CRACD: variants seen among roughly 807,000 people sequenced by gnomAD.
The protein encoded by CRACD is capping protein-inhibiting regulator of actin dynamics.
Under a neutral mutation model 106.8 loss-of-function variants are expected in CRACD, and 56 were observed. The ratio of observed to expected loss-of-function variants is 0.52; its 90% confidence interval spans 0.42 to 0.66. The LOEUF (loss-of-function observed/expected upper bound fraction) is 0.66. CRACD is among the 30% of genes least tolerant of loss of function. The pLI is 0.00. For synonymous variants in CRACD, 754 were observed against 670.8 expected, an observed-to-expected ratio of 1.12 and a Z score of -1.92; for missense variants, 1,730 against 1,623.2, an observed-to-expected ratio of 1.07 and a Z score of -1.13.
intron 3 of CRACD, among the ~76,000 whole-genome samples, chr4:56,275,381 G>A (rs919036966): frequency 6.6e-6 from 1 of 152,102 alleles, no homozygotes; most frequent in South Asian, 2.1e-4. Flanking sequence ...TTTGAGCCAG[G>A]AGTTCAAGGC....
chr4:56,137,275 GAA>G (rs33967264), intron 1 of CRACD, among the ~76,000 whole-genome samples: 2 of 141,448 alleles, frequency 1.4e-5, no homozygotes, highest in African/African-American at 2.6e-5. Context: ...CTGCTTCAAA[GAA>G]AAAAAAAAAG....
At chr4:56,207,654 A>G (rs920398483) in intron 2 of CRACD, among the ~76,000 whole-genome samples, 1 of 151,218 alleles carries the variant, frequency 6.6e-6, no homozygotes, top group Admixed American at 6.6e-5. Context: ...AGGTCTATTC[A>G]TAGAGGCTAA....
At chr4:56,289,553 T>C (rs2109696480) in intron 3 of CRACD, among the ~76,000 whole-genome samples, 1 of 152,096 alleles carries the variant, frequency 6.6e-6, no homozygotes, top group African/African-American at 2.4e-5. Flanking sequence ...CACGCCTGTA[T>C]TTCCAGCTAC....
intron 10 of CRACD, 35 bp from the exon 11 acceptor site, chr4:56,327,609 C>G: frequency 6.3e-7 from 1 of 1,590,820 alleles, no homozygotes. Flanking sequence ...TGGCTGTGAA[C>G]TTACTTTTTC....
intron 3 of CRACD, among the ~76,000 whole-genome samples, chr4:56,279,042 T>G (rs1742846156): frequency 6.6e-6 from 1 of 152,046 alleles, no homozygotes; most frequent in East Asian, 1.9e-4. Flanking sequence ...ACATTGCTGG[T>G]GGGAATATAA....
At chr4:56,257,984 C>T (rs939286821) in intron 2 of CRACD, among the ~76,000 whole-genome samples, 26 of 151,226 alleles carry the variant, frequency 1.7e-4, no homozygotes, top group African/African-American at 5.4e-4. Context: ...GCATGAGAAT[C>T]GCTTGAACCC....
rs966153267 is a variant in CRACD, at chr4:56,172,900, C to A, written c.-335-6384C>A. Reference sequence around the variant, plus strand: ...GCCTCCCAAAGTGCTGGATTACGGGCATGAGCCACTGTGCCTGGCCTAATT... The same window carrying A: ...GCCTCCCAAAGTGCTGGATTACGGGAATGAGCCACTGTGCCTGGCCTAATT... On this transcript the variant is annotated intron_variant, in intron 1 of 10. Transcript: ENST00000682029. 9.2e-5 allele frequency among the ~76,000 whole-genome samples: 14 copies of A among 152,278 alleles called. 1 individual carries two copies. The South Asian group carries it at 2.5e-3, about 27-fold the overall frequency.
intron 1 of CRACD, among the ~76,000 whole-genome samples, chr4:56,108,252 A>G (rs575043143): frequency 6.6e-6 from 1 of 152,336 alleles, no homozygotes; most frequent in South Asian, 2.1e-4. Context: ...GATTAAGATT[A>G]GCACCACCAC....
intron 1 of CRACD, among the ~76,000 whole-genome samples, chr4:56,165,810 A>T (rs1321151909): frequency 1.3e-5 from 2 of 152,220 alleles, no homozygotes; most frequent in African/African-American, 4.8e-5. Flanking sequence ...TTAAATTAGC[A>T]AGCAAAGAGT....
intron 1 of CRACD, among the ~76,000 whole-genome samples, chr4:56,060,564 G>A (rs1033584147): frequency 3.3e-5 from 5 of 152,056 alleles, no homozygotes; most frequent in Non-Finnish European, 5.9e-5. Context: ...GTGTGAGGTG[G>A]CAGGAACGTC....
At chr4:56,144,898 C>T (rs1190393235) in intron 1 of CRACD, among the ~76,000 whole-genome samples, 2 of 152,164 alleles carry the variant, frequency 1.3e-5, no homozygotes, top group Non-Finnish European at 2.9e-5. Context: ...AAGTGATCCA[C>T]CTGCCTCAGC....
intron 1 of CRACD, among the ~76,000 whole-genome samples, chr4:56,148,670 C>T (rs1735478803): frequency 6.6e-6 from 1 of 152,130 alleles, no homozygotes. Flanking sequence ...CTATCCCTTG[C>T]ATCATTTATG....
chr4:56,316,210 G>A lies in CRACD; in HGVS notation c.2708G>A (p.Gly903Asp), dbSNP rs1745633003. ...KEMEGVALKH[G>D]PSLPQERKQA... ...ATGGAGGGTGTGGCCCTCAAGCATG[G>A]TCCATCCCTCCCCCAAGAGCGGAAG... Residue 903 changes from glycine (G) to aspartate (D), a missense_variant, in exon 8 of 11, where the codon GGT (glycine) becomes GAT (aspartate). Physicochemically the swap from Gly to Asp is moderately conservative, Grantham distance 94. This residue lies in a region of CRACD where 1,620 missense variants were observed against 1,481.6 expected (regional missense o/e 1.09). Transcript: ENST00000682029. 1.9e-6 allele frequency: 3 copies of A among 1,614,128 alleles called. No homozygotes were observed. The highest frequency in any genetic ancestry group is 4.5e-5 in the East Asian group (2 of 44,872).
intron 2 of CRACD, among the ~76,000 whole-genome samples, chr4:56,218,200 A>G (rs1427754939): frequency 6.6e-6 from 1 of 152,190 alleles, no homozygotes; most frequent in African/African-American, 2.4e-5. Context: ...AGGGGTGAGG[A>G]CTTCAAGATA....
chr4:56,054,594 A>T (rs1297919046), intron 1 of CRACD, among the ~76,000 whole-genome samples: 1 of 152,232 alleles, frequency 6.6e-6, no homozygotes, highest in African/African-American at 2.4e-5. Flanking sequence ...GTTTACATAG[A>T]TGTATGATTT....
chr4:56,319,998 C>T (rs1168074147), intron 8 of CRACD, among the ~76,000 whole-genome samples: 1 of 152,102 alleles, frequency 6.6e-6, no homozygotes. Flanking sequence ...CATGGTGAAA[C>T]CCTGTCTCTA....
intron 8 of CRACD, 136 bp from the exon 9 acceptor site, chr4:56,323,241 C>CTG: frequency 1.5e-6 from 1 of 677,650 alleles, no homozygotes; most frequent in Non-Finnish European, 2.4e-6. Flanking sequence ...GGCATCAGCA[C>CTG]AGAGGTTGTG....
chr4:56,084,255 C>T (rs75335982), intron 1 of CRACD, among the ~76,000 whole-genome samples: 11 of 152,132 alleles, frequency 7.2e-5, no homozygotes, highest in African/African-American at 2.6e-4. Context: ...TTTGGCTGAG[C>T]GTTTTTCTTA....
chr4:56,298,868 G>T (rs1744202973), intron 4 of CRACD, among the ~76,000 whole-genome samples: 1 of 152,168 alleles, frequency 6.6e-6, no homozygotes, highest in African/African-American at 2.4e-5. Context: ...GGGAGGCAGA[G>T]GTTGCAGTGA....
Sources: gnomAD v4.1 joint callset for allele counts (sites outside exome capture counted in the v4.1 genomes callset) on GRCh38, gnomAD v4.1.1 for gene constraint, gnomAD v4.1.1 regional missense constraint, MANE v1.5 for transcripts, NCBI Gene and HGNC (gene_info 2026-07-23, HGNC 2026-07-21) for gene names.